The following NUP37 variants were observed in gnomAD, a reference collection of about 807,000 sequenced individuals.
NUP37 encodes nucleoporin Nup37.
NUP37 carries 33 observed loss-of-function variants against 45.4 expected under a neutral mutation model. The ratio of observed to expected loss-of-function variants is 0.73; its 90% CI spans 0.55 to 0.97. NUP37 has a LOEUF of 0.97. Among genes scored for constraint, NUP37 ranks in the 50% least tolerant of loss-of-function variants. The pLI is 0.00. For missense variants in NUP37, 365 were observed against 389.7 expected, an observed-to-expected ratio of 0.94 and a Z score of 0.53; for synonymous variants, 127 against 130.7, an observed-to-expected ratio of 0.97 and a Z score of 0.19.
In NUP37 at chr12:102,118,510, T is replaced by C; in HGVS notation, c.9A>G (p.Gln3=). 1 of 1,608,372 alleles carries C rather than the reference T, an allele frequency of 6.2e-7. No individual in the cohort carries two copies. Among genetic ancestry groups the C allele is most frequent in the Non-Finnish European group, 8.5e-7 (1 of 1,178,584 alleles). Residue 3 remains glutamine, a synonymous_variant, in exon 2 of 10, where the codon CAA becomes CAG. Coordinates refer to ENST00000552283, the MANE Select transcript of NUP37 (RefSeq NM_024057.4). MK[Q]DASRNAAYTV... is the part of the protein sequence containing the mutation. ...TGTAGGCAGCATTTCTTGAGGCATC[T>C]TGCTTCATCTTGTATGTCAAAATTC...
intron 4 of NUP37, 142 bp downstream of exon 4, chr12:102,100,885 CTATAG>C (rs1879950432): frequency 2.0e-6 from 1 of 499,784 alleles, no homozygotes. Context: ...TTATTATAAC[CTATAG>C]TAGAGTAAAT....
intron 3 of NUP37, among the ~76,000 whole-genome samples, chr12:102,108,657 G>T (rs1308754503): frequency 1.3e-5 from 2 of 152,098 alleles, no homozygotes; most frequent in South Asian, 2.1e-4. Context: ...GCAAATAAAG[G>T]GTAAGAAAAA....
intron 3 of NUP37, among the ~76,000 whole-genome samples, chr12:102,104,601 A>G (rs2136745743): frequency 6.6e-6 from 1 of 152,276 alleles, no homozygotes; most frequent in Admixed American, 6.5e-5. Flanking sequence ...TTATAGTTTC[A>G]GGTCTTATGT....
At chr12:102,119,429 C>T (rs1565840388) in intron 1 of NUP37, 1 of 152,152 alleles carries the variant, frequency 6.6e-6, no homozygotes, top group Non-Finnish European at 1.5e-5. Context: ...TAATAATATT[C>T]TTAAAACTAG....
chr12:102,086,913 G>T (rs540634904), intron 5 of NUP37, among the ~76,000 whole-genome samples: 1 of 152,106 alleles, frequency 6.6e-6, no homozygotes, highest in Admixed American at 6.5e-5. Flanking sequence ...GTGAAACTTC[G>T]TCTCTACAAA....
At chr12:102,097,061 C>T (rs563446131) in intron 5 of NUP37, among the ~76,000 whole-genome samples, 26 of 152,236 alleles carry the variant, frequency 1.7e-4, no homozygotes, top group African/African-American at 5.3e-4. Flanking sequence ...ATCTGCTCCA[C>T]GTGTTTCTCA....
intron 3 of NUP37, among the ~76,000 whole-genome samples, chr12:102,110,516 A>T (rs1367112161): frequency 1.3e-5 from 1 of 75,130 alleles, no homozygotes; most frequent in Admixed American, 1.3e-4. Context: ...CCAAAAAAAT[A>T]AAAAAAAAAA....
chr12:102,097,935 G>C (rs1422969897), intron 5 of NUP37, among the ~76,000 whole-genome samples: 1 of 152,056 alleles, frequency 6.6e-6, no homozygotes, highest in Non-Finnish European at 1.5e-5. Flanking sequence ...ACTTTAAAAA[G>C]ATGAGCTATA....
intron 5 of NUP37, among the ~76,000 whole-genome samples, chr12:102,098,905 G>T (rs1400599944): frequency 2.0e-5 from 3 of 152,164 alleles, no homozygotes; most frequent in Admixed American, 2.0e-4. Flanking sequence ...AGGCAAGGAA[G>T]TTTTCATTAA....
chr12:102,108,583 CCTT>C (rs1158812857), intron 3 of NUP37, among the ~76,000 whole-genome samples: 2 of 152,168 alleles, frequency 1.3e-5, no homozygotes, highest in Non-Finnish European at 2.9e-5. Flanking sequence ...TTAGTTCTGT[CCTT>C]CTAGAGAACC....
At chr12:102,100,427 A>G (rs1169493002) in intron 4 of NUP37, among the ~76,000 whole-genome samples, 1 of 152,252 alleles carries the variant, frequency 6.6e-6, no homozygotes, top group African/African-American at 2.4e-5. Flanking sequence ...GAAAACACAC[A>G]TACGGCGTTT....
chr12:102,094,059 A>G (rs951296434), intron 5 of NUP37, among the ~76,000 whole-genome samples: 1 of 152,114 alleles, frequency 6.6e-6, no homozygotes, highest in East Asian at 1.9e-4. Flanking sequence ...ACTGCATTGA[A>G]TTTAAAAATG....
Position 102,073,541 on chromosome 12 carries a change from ATCT to A in NUP37, c.*810_*812del, listed in dbSNP as rs1162151228. The A allele has an allele frequency of 1.3e-5, 2 of 152,236 alleles. No homozygotes were observed. The highest frequency in any genetic ancestry group is 1.3e-4 in the Admixed American group (2 of 15,286). The allele number at this position is 152,236 out of a possible 1,614,324, so 9.4% of individuals were successfully genotyped here. On this transcript the variant is annotated 3_prime_UTR_variant, in exon 10 of 10. Transcript: ENST00000552283. ...CTGTTAGAACACCTCGTCCAAAGGA[ATCT>A]GCGTATAATAAACAGGGTTGAGCAA... is the stretch of plus-strand genomic sequence containing the variant.
chr12:102,075,161 G>A lies in NUP37; in HGVS notation c.774-67C>T, dbSNP rs575820103. 2.8e-5 allele frequency: 29 copies of A among 1,027,752 alleles called. No individual in the cohort carries two copies. In the South Asian group the frequency reaches 3.1e-4, roughly 11 times the overall value. 63.7% of individuals were successfully genotyped at this position (1,027,752 alleles called of 1,614,324 possible). On this transcript the variant is annotated intron_variant, in intron 8 of 9. Transcript: ENST00000552283. ...GGATAATGACAAGCTTTTCTGAAGC[G>A]GGCTTTTTCTTTTTCTTTTTCTTTT...
intron 5 of NUP37, among the ~76,000 whole-genome samples, chr12:102,088,792 G>C (rs147543277): frequency 8.9e-4 from 135 of 151,268 alleles, no homozygotes; most frequent in Admixed American, 1.9e-3. Flanking sequence ...GATAATAGTG[G>C]AGAGAAGGTC....
Position 102,077,503 on chromosome 12 carries a change from G to T in NUP37, c.541C>A (p.Leu181Ile). Residue 181 changes from leucine (L) to isoleucine (I), a missense_variant and splice_region_variant, in exon 7 of 10, where the codon CTA becomes ATA. By Grantham distance (5) the Leu-to-Ile change is conservative (BLOSUM62 2). Transcript: ENST00000552283. ...GTTCCATTCTTCTCTGCAACCATTA[G>T]CTGTAAGACAGAAAAATAAAAAGAA... The part of the protein sequence containing the change: ...VCWHPEETFK[L>I]MVAEKNGTIR... 6.2e-7 allele frequency: 1 copy of T among 1,605,596 alleles called. No homozygotes were observed. Among genetic ancestry groups the T allele is most frequent in the South Asian group, 1.1e-5 (1 of 89,900 alleles).
chr12:102,117,323 G>T (rs1351440653), intron 2 of NUP37, among the ~76,000 whole-genome samples: 6 of 151,824 alleles, frequency 4.0e-5, no homozygotes, highest in Non-Finnish European at 8.8e-5. Context: ...GGTGGTGCAT[G>T]CCTGTAATCC....
chr12:102,115,552 TA>T (rs1271938954), intron 2 of NUP37, among the ~76,000 whole-genome samples: 1 of 152,224 alleles, frequency 6.6e-6, no homozygotes, highest in Non-Finnish European at 1.5e-5. Flanking sequence ...TCCTTAAGGA[TA>T]TGGTCCTTGC....
intron 2 of NUP37, 77 bp downstream of exon 2, chr12:102,118,286 G>T: frequency 6.1e-6 from 8 of 1,314,970 alleles, no homozygotes; most frequent in Admixed American, 2.5e-5. Context: ...TACTTTCAAA[G>T]TTTAGATTTG....
Sources: gnomAD v4.1 joint callset for allele counts (sites outside exome capture counted in the v4.1 genomes callset) on GRCh38, gnomAD v4.1.1 for gene constraint, MANE v1.5 for transcripts, NCBI Gene and HGNC (gene_info 2026-07-23, HGNC 2026-07-21) for gene names.